HDAC4: variants seen among roughly 807,000 people sequenced by gnomAD.
The protein encoded by HDAC4 is histone deacetylase 4.
Under a neutral mutation model 135.1 loss-of-function variants are expected in HDAC4, and 16 were observed. That is an observed-to-expected ratio of 0.12 (90% confidence interval 0.08 to 0.18). The LOEUF is 0.18. Among genes scored for constraint, HDAC4 ranks in the 10% least tolerant of loss-of-function variants. The probability of loss-of-function intolerance (pLI) is 1.00; values close to 1 mark genes in which losing one functional copy is unlikely to be tolerated. For synonymous variants in HDAC4, 685 were observed against 653.4 expected (o/e 1.05, Z -0.74); for missense variants, 1,143 against 1,511.8 (o/e 0.76, Z 4.05).
At chr2:239,205,020 C>T (rs1222074870) in intron 3 of HDAC4, among the ~76,000 whole-genome samples, 2 of 152,216 alleles carry the variant, frequency 1.3e-5, no homozygotes, top group Non-Finnish European at 2.9e-5. Context: ...TCCCCCGTCC[C>T]CGAGCCGCCT....
At chr2:239,218,200 A>G (rs2046750667) in intron 3 of HDAC4, among the ~76,000 whole-genome samples, 2 of 152,254 alleles carry the variant, frequency 1.3e-5, no homozygotes, top group Non-Finnish European at 2.9e-5. Context: ...GAAAATTACC[A>G]GATTGGATAA....
rs2052366872 is a variant in HDAC4, at chr2:239,303,106, G to C, written c.22+49572C>G. Among the ~76,000 whole-genome samples, 1 of 152,182 alleles carries C rather than the reference G, an allele frequency of 6.6e-6. No homozygotes were observed. The highest frequency in any genetic ancestry group is 1.5e-5 in the Non-Finnish European group (1 of 68,034). On this transcript the variant is annotated intron_variant, in intron 2 of 26. Coordinates refer to ENST00000543185, the MANE Select transcript of HDAC4 (RefSeq NM_001378414.1). This position sits in a 1 kb window ranked among gnomAD's most constrained non-coding sequence, Gnocchi z 5.1. Reference sequence around the variant, plus strand: ...GAACAGAAGCCCAGCTCAGGGTTCAGGGTGGGCCCCTGGATTCAAAGTGGC... The same window carrying C: ...GAACAGAAGCCCAGCTCAGGGTTCACGGTGGGCCCCTGGATTCAAAGTGGC...
At chr2:239,362,932 C>T (rs1403996043) in intron 1 of HDAC4, among the ~76,000 whole-genome samples, 1 of 152,178 alleles carries the variant, frequency 6.6e-6, no homozygotes, top group Non-Finnish European at 1.5e-5. Flanking sequence ...ATTAAAATAA[C>T]TAAGTGAATT....
At chr2:239,314,322 C>T (rs556631820) in intron 2 of HDAC4, among the ~76,000 whole-genome samples, 60 of 152,296 alleles carry the variant, frequency 3.9e-4, no homozygotes, top group African/African-American at 9.9e-4. Flanking sequence ...AAAACACATA[C>T]GAAGGACACT....
intron 3 of HDAC4, among the ~76,000 whole-genome samples, chr2:239,205,656 C>A (rs1404402258): frequency 1.3e-5 from 2 of 150,158 alleles, no homozygotes; most frequent in Non-Finnish European, 3.0e-5. Flanking sequence ...TTCATCTGAA[C>A]AACACAGGAA....
chr2:239,368,799 C>T (rs11124194), intron 1 of HDAC4, among the ~76,000 whole-genome samples: 78,402 of 151,964 alleles, frequency 0.52, 21,549 homozygotes, highest in East Asian at 0.83. Flanking sequence ...TTCTTTCGGA[C>T]CAAAGCAGTA....
In HDAC4 at chr2:239,398,725, T is replaced by G. The variant is rs575423607; in HGVS notation, c.-220+2253A>C. Among the ~76,000 whole-genome samples, 4 of 152,278 alleles carry G rather than the reference T, an allele frequency of 2.6e-5. No homozygotes were observed. In the South Asian group the frequency reaches 8.3e-4, roughly 32 times the overall value. On this transcript the variant is annotated intron_variant, in intron 1 of 26. Transcript: ENST00000543185. ...CTAGGAAGCTGCTGAACACAGAACA[T>G]TCTCTCTGGTGCAGGGCTCCGAGGC...
chr2:239,134,594 A>G lies in HDAC4; in HGVS notation c.1028T>C (p.Leu343Pro). 1 of 1,614,102 alleles carries G rather than the reference A, an allele frequency of 6.2e-7. No individual in the cohort carries two copies. Among genetic ancestry groups the G allele is most frequent in the Non-Finnish European group, 8.5e-7 (1 of 1,179,992 alleles). Reference sequence around the variant, plus strand: ...CAAGGATGGCGATGTGTAGAGGGGAAGTGGAGCGGCCGAGCCTTCTCGTGC... The same window carrying G: ...CAAGGATGGCGATGTGTAGAGGGGAGGTGGAGCGGCCGAGCCTTCTCGTGC... ...LVAREGSAAP[L>P]PLYTSPSLPN... The change falls in exon 10 of 27, where the codon CTT becomes CCT. Residue 343 changes from leucine (L) to proline (P), a missense_variant. By Grantham distance (98) the Leu-to-Pro change is moderately conservative (BLOSUM62 -3). This residue lies in a region of HDAC4 where 272 missense variants were observed against 309.7 expected (regional missense o/e 0.88). Transcript: ENST00000543185.
At chr2:239,185,948 C>T (rs189426429) in intron 4 of HDAC4, among the ~76,000 whole-genome samples, 369 of 152,210 alleles carry the variant, frequency 2.4e-3, no homozygotes, top group African/African-American at 8.3e-3. Context: ...GCATGAGCAT[C>T]GCTTGAACCT....
chr2:239,241,251 C>T (rs1216655241), intron 2 of HDAC4, among the ~76,000 whole-genome samples: 1 of 152,128 alleles, frequency 6.6e-6, no homozygotes, highest in Non-Finnish European at 1.5e-5. Context: ...CGCACAGGCT[C>T]CTGAACTGGG....
intron 2 of HDAC4, among the ~76,000 whole-genome samples, chr2:239,268,556 T>C (rs1168559837): frequency 6.6e-6 from 1 of 152,168 alleles, no homozygotes; most frequent in Non-Finnish European, 1.5e-5. Context: ...ATTTCCACAG[T>C]ACAATCGGTT....
At chr2:239,274,124 C>G (rs80298032) in intron 2 of HDAC4, among the ~76,000 whole-genome samples, 1 of 152,134 alleles carries the variant, frequency 6.6e-6, no homozygotes, top group Non-Finnish European at 1.5e-5. Flanking sequence ...TTTTCACTTT[C>G]GTAAATGTTT....
chr2:239,398,766 T>C (rs557629097), intron 1 of HDAC4, among the ~76,000 whole-genome samples: 1 of 152,298 alleles, frequency 6.6e-6, no homozygotes, highest in Admixed American at 6.5e-5. Flanking sequence ...CTGTCCTTCG[T>C]CCCTAGGCCT....
At chr2:239,089,293 G>A (rs2036272027) in intron 18 of HDAC4, among the ~76,000 whole-genome samples, 1 of 152,170 alleles carries the variant, frequency 6.6e-6, no homozygotes, top group Non-Finnish European at 1.5e-5. Context: ...CCACAGGCAA[G>A]ACATTAGTGC....
chr2:239,215,525 G>A (rs1327457701), intron 3 of HDAC4, among the ~76,000 whole-genome samples: 3 of 152,134 alleles, frequency 2.0e-5, no homozygotes, highest in Admixed American at 6.5e-5. Context: ...GTGGGCAAGG[G>A]CTCAGGACGG....
rs1044304985 is a variant in HDAC4, at chr2:239,167,649, A to T, written c.491-3726T>A. 2.0e-5 allele frequency among the ~76,000 whole-genome samples: 3 copies of T among 151,906 alleles called. No individual in the cohort carries two copies. The highest frequency in any genetic ancestry group is 4.4e-5 in the Non-Finnish European group (3 of 68,034). On this transcript the variant is annotated intron_variant, in intron 5 of 26. Coordinates refer to ENST00000543185, the MANE Select transcript of HDAC4 (RefSeq NM_001378414.1). This position sits in a 1 kb window ranked among gnomAD's most constrained non-coding sequence, Gnocchi z 4.1. ...GTTATGCACACGCTCATCTGTCAAC[A>T]GGTTTCTCACTTAAAGTTCTAGAAT...
intron 24 of HDAC4, among the ~76,000 whole-genome samples, chr2:239,061,005 C>T (rs1574860886): frequency 6.6e-6 from 1 of 152,376 alleles, no homozygotes; most frequent in Admixed American, 6.5e-5. Context: ...TGCTGAAAGT[C>T]GGCCAGGAAG....
rs1351002487 is a variant in HDAC4, at chr2:239,082,088, T to C, written c.2652+14A>G. ...CCCCCTTTCCCCCCAGAGGCCCTTA[T>C]ATACCCCACCTACCTCATCAGGAGC... On this transcript the variant is annotated intron_variant, in intron 21 of 26. Transcript: ENST00000543185. 2 of 1,613,000 alleles carry C rather than the reference T, an allele frequency of 1.2e-6. No homozygotes were observed. The highest frequency in any genetic ancestry group is 2.2e-5 in the East Asian group (1 of 44,802).
Position 239,053,546 on chromosome 2 carries a change from G to T in HDAC4, c.3144C>A (p.Ile1048=). 6.2e-7 allele frequency: 1 copy of T among 1,613,904 alleles called. No individual in the cohort carries two copies. Residue 1048 remains isoleucine (I), a synonymous_variant, in exon 26 of 27, where the codon ATC becomes ATA. Transcript: ENST00000543185. The part of the protein sequence containing the change: ...RTTSTAGRSL[I]EAQTCENEEA... ...CTTCGTTCTCGCAAGTCTGAGCCTC[G>T]ATCAGAGAACGCCCCGCTGTGGAGG...
Sources: gnomAD v4.1 joint callset for allele counts (sites outside exome capture counted in the v4.1 genomes callset) on GRCh38, gnomAD v4.1.1 for gene constraint, gnomAD v4.1.1 regional missense constraint, Gnocchi (gnomAD v3.1) non-coding constraint, MANE v1.5 for transcripts, NCBI Gene and HGNC (gene_info 2026-07-23, HGNC 2026-07-21) for gene names.